Variants in ACVR2A observed in about 807,000 individuals in gnomAD.
ACVR2A encodes the protein activin receptor type-2A.
ACVR2A carries 7 observed loss-of-function variants against 61.4 expected under a neutral mutation model. The ratio of observed to expected loss-of-function variants is 0.11; its 90% CI spans 0.06 to 0.21. ACVR2A has a LOEUF of 0.21. Among genes scored for constraint, ACVR2A ranks in the 10% least tolerant of loss-of-function variants. The probability of loss-of-function intolerance (pLI) is 1.00; values close to 1 mark genes in which losing one functional copy is unlikely to be tolerated. For synonymous variants in ACVR2A, 193 were observed against 208.3 expected (o/e 0.93, Z 0.63); for missense variants, 322 against 621.7 (o/e 0.52, Z 5.13).
intron 1 of ACVR2A, among the ~76,000 whole-genome samples, chr2:147,880,841 T>C (rs1471762061): frequency 6.6e-6 from 1 of 152,212 alleles, no homozygotes; most frequent in African/African-American, 2.4e-5. Flanking sequence ...TAGTGTCCTC[T>C]AAGATTTCTT....
chr2:147,888,128 T>G (rs1198572058), intron 1 of ACVR2A, among the ~76,000 whole-genome samples: 1 of 152,170 alleles, frequency 6.6e-6, no homozygotes, highest in African/African-American at 2.4e-5. Context: ...ATTAGACGTG[T>G]TTGTATGTAG....
At chr2:147,864,052 C>T (rs1404082764) in intron 1 of ACVR2A, among the ~76,000 whole-genome samples, 1 of 152,084 alleles carries the variant, frequency 6.6e-6, no homozygotes, top group Non-Finnish European at 1.5e-5. Flanking sequence ...TCATTAATTG[C>T]TCATTGGTGC....
chr2:147,869,529 T>C (rs1444359578), intron 1 of ACVR2A, among the ~76,000 whole-genome samples: 3 of 152,170 alleles, frequency 2.0e-5, no homozygotes, highest in African/African-American at 7.2e-5. Context: ...GAATAACATA[T>C]AGGGTAACAG....
intron 1 of ACVR2A, among the ~76,000 whole-genome samples, chr2:147,879,138 C>A (rs1057353222): frequency 1.3e-5 from 2 of 151,868 alleles, no homozygotes; most frequent in African/African-American, 4.8e-5. Context: ...TTTTTCATTT[C>A]ATTTTGTGAA....
chr2:147,856,272 A>G lies in ACVR2A; in HGVS notation c.55+11065A>G, dbSNP rs549450526. 2.0e-5 allele frequency among the ~76,000 whole-genome samples: 3 copies of G among 152,326 alleles called. No homozygotes were observed. In the South Asian group the frequency reaches 6.2e-4, roughly 32 times the overall value. ...AGCATCTGTGCCTAGGAAAAACTGCATTATTACACACAGGTAAAACCAGAA... is the reference window on the plus strand; with the variant it reads ...AGCATCTGTGCCTAGGAAAAACTGCGTTATTACACACAGGTAAAACCAGAA... On this transcript the variant is annotated intron_variant, in intron 1 of 10. Transcript: ENST00000241416.
chr2:147,916,080 TATC>T lies in ACVR2A; in HGVS notation c.672+749_672+751del, dbSNP rs1466044820. Among the ~76,000 whole-genome samples the T allele has an allele frequency of 2.6e-5, 4 of 152,060 alleles. No homozygotes were observed. In the East Asian group the frequency reaches 7.7e-4, roughly 29 times the overall value. Reference sequence around the variant, plus strand: ...GAGTGGATGTTTCTTTTTCCAAAGTTATCATATAAGCAGTTTCTTTGTCTTAAT... The same window carrying T: ...GAGTGGATGTTTCTTTTTCCAAAGTTATATAAGCAGTTTCTTTGTCTTAAT... On this transcript the variant is annotated intron_variant, in intron 5 of 10. Transcript: ENST00000241416.
intron 1 of ACVR2A, among the ~76,000 whole-genome samples, chr2:147,870,367 G>A (rs140964417): frequency 1.3e-5 from 2 of 151,842 alleles, no homozygotes; most frequent in African/African-American, 4.8e-5. Context: ...CTATGTATCT[G>A]CCCTTTTTTG....
chr2:147,853,070 A>G (rs1237820892), intron 1 of ACVR2A, among the ~76,000 whole-genome samples: 1 of 152,130 alleles, frequency 6.6e-6, no homozygotes, highest in Non-Finnish European at 1.5e-5. Flanking sequence ...CAACTCGAAG[A>G]CTAAGGTAGA....
intron 4 of ACVR2A, among the ~76,000 whole-genome samples, chr2:147,908,498 C>T (rs891802314): frequency 7.9e-5 from 12 of 152,080 alleles, no homozygotes; most frequent in Admixed American, 4.6e-4. Flanking sequence ...GGAATTTTGA[C>T]GATCTAATTG....
intron 1 of ACVR2A, among the ~76,000 whole-genome samples, chr2:147,882,135 C>A (rs1686317647): frequency 6.6e-6 from 1 of 152,074 alleles, no homozygotes. Flanking sequence ...GGTCTGTATC[C>A]AGGTAGATAT....
intron 1 of ACVR2A, among the ~76,000 whole-genome samples, chr2:147,895,585 C>G (rs1686711750): frequency 6.6e-6 from 1 of 152,138 alleles, no homozygotes; most frequent in South Asian, 2.1e-4. Flanking sequence ...TTGTTTGATA[C>G]ATACCATAGA....
chr2:147,848,469 C>T (rs1225977232), intron 1 of ACVR2A, among the ~76,000 whole-genome samples: 2 of 152,082 alleles, frequency 1.3e-5, no homozygotes, highest in South Asian at 2.1e-4. Context: ...AGGGATGCTT[C>T]TAATCGTCCT....
intron 6 of ACVR2A, among the ~76,000 whole-genome samples, chr2:147,918,105 C>G (rs1290036907): frequency 6.7e-6 from 1 of 150,064 alleles, no homozygotes; most frequent in African/African-American, 2.4e-5. Flanking sequence ...TATAACAACT[C>G]TATAGTCAGG....
chr2:147,899,515 C>A lies in ACVR2A; in HGVS notation c.321C>A (p.Gly107=), dbSNP rs1277032125. The A allele has an allele frequency of 1.2e-6, 2 of 1,612,942 alleles. No individual in the cohort carries two copies. The highest frequency in any genetic ancestry group is 1.7e-6 in the Non-Finnish European group (2 of 1,179,474). Residue 107 remains glycine, a synonymous_variant, in exon 3 of 11, where the codon GGC becomes GGA. Coordinates refer to ENST00000241416, the MANE Select transcript of ACVR2A (RefSeq NM_001616.5). ...AAGTATATTTTTGTTGCTGTGAGGG[C>A]AATATGTGTAATGAAAAGTTTTCTT... ...SPEVYFCCCE[G]NMCNEKFSYF... is the part of the protein sequence containing the mutation.
chr2:147,926,005 T>C (rs370764799), intron 9 of ACVR2A, 26 bp from the exon 10 acceptor site: 4 of 1,590,092 alleles, frequency 2.5e-6, no homozygotes, highest in Admixed American at 3.7e-5. Flanking sequence ...ATGAAAATGA[T>C]TTATTTTACT....
rs989364915 is a variant in ACVR2A, at chr2:147,929,040, T to C, written c.*1766T>C. 9.8e-5 allele frequency: 15 copies of C among 152,436 alleles called. No individual in the cohort carries two copies. The highest frequency in any genetic ancestry group is 3.6e-4 in the African/African-American group (15 of 41,416). 9.4% of individuals were successfully genotyped at this position (152,436 alleles called of 1,614,324 possible). ...ATATGTACGTAATCTCTGGGAATAG[T>C]AAATTAATTATGTTATTTATAAACA... On this transcript the variant is annotated 3_prime_UTR_variant, in exon 11 of 11. Transcript: ENST00000241416.
At chr2:147,850,772 C>T (rs1003446870) in intron 1 of ACVR2A, among the ~76,000 whole-genome samples, 2 of 152,124 alleles carry the variant, frequency 1.3e-5, no homozygotes, top group African/African-American at 4.8e-5. Context: ...GACTTTCTGT[C>T]ATTCTCCACC....
intron 8 of ACVR2A, 112 bp from the exon 9 acceptor site, chr2:147,922,861 T>G: frequency 1.9e-6 from 2 of 1,077,442 alleles, no homozygotes; most frequent in Non-Finnish European, 2.7e-6. Flanking sequence ...CTATAGTGTG[T>G]ATACCTTACC....
chr2:147,914,235 C>G (rs1411846732), intron 4 of ACVR2A, among the ~76,000 whole-genome samples: 2 of 151,896 alleles, frequency 1.3e-5, no homozygotes, highest in Non-Finnish European at 2.9e-5. Context: ...CCTCAAAATA[C>G]TCATTATGCA....
Sources: allele counts gnomAD v4.1 joint callset (sites outside exome capture counted in the v4.1 genomes callset), GRCh38; gene constraint gnomAD v4.1.1; transcripts MANE v1.5; gene names NCBI Gene and HGNC (gene_info 2026-07-23, HGNC 2026-07-21).